The following LRP1 variants were observed in gnomAD, a reference collection of about 807,000 sequenced individuals.
LRP1 encodes prolow-density lipoprotein receptor-related protein 1.
Under a neutral mutation model 541.5 loss-of-function variants are expected in LRP1, and 51 were observed. That is an observed-to-expected ratio of 0.09 (90% CI 0.08 to 0.12). The LOEUF (loss-of-function observed/expected upper bound fraction) is 0.12. Ranked by LOEUF, LRP1 falls within the 10% of genes least tolerant of loss-of-function variation. The pLI, the probability that LRP1 is intolerant of heterozygous loss-of-function variation, is 1.00. For synonymous variants in LRP1, 2,219 were observed against 2,470.8 expected, an observed-to-expected ratio of 0.90 and a Z score of 3.02; for missense variants, 3,878 against 6,376.2, an observed-to-expected ratio of 0.61 and a Z score of 13.34.
chr12:57,157,916 T>C (rs1246250321), intron 10 of LRP1, among the ~76,000 whole-genome samples: 27 of 152,178 alleles, frequency 1.8e-4, no homozygotes, highest in Admixed American at 1.6e-3. Context: ...TAGTGACTTT[T>C]GAGAATGGAA....
In LRP1 at chr12:57,185,535, C is replaced by T. The variant is rs1386458910; in HGVS notation, c.6468C>T (p.Thr2156=). 6.3e-7 allele frequency: 1 copy of T among 1,586,548 alleles called. No individual in the cohort carries two copies. Among genetic ancestry groups the T allele is most frequent in the Non-Finnish European group, 8.6e-7 (1 of 1,163,576 alleles). The part of the protein sequence containing the change: ...KVFNRDRQKG[T]NVCAVANGGC... ...CTGTACCCTCCCCTCCCCCAGGCAC[C>T]AACGTGTGCGCGGTGGCCAATGGCG... is the stretch of plus-strand genomic sequence containing the variant. The change falls in exon 41 of 89, where the codon ACC becomes ACT. Residue 2156 remains threonine (T), a synonymous_variant. Transcript: ENST00000243077. The surrounding 1 kb of genome is among the most constrained non-coding windows in gnomAD (Gnocchi z 4.9).
chr12:57,196,471 A>G (rs920932810), intron 55 of LRP1, among the ~76,000 whole-genome samples, 194 bp downstream of exon 55: 3 of 152,224 alleles, frequency 2.0e-5, no homozygotes, highest in Non-Finnish European at 4.4e-5. Flanking sequence ...TGAGATATGC[A>G]GTGTGAGAGG....
intron 4 of LRP1, 127 bp downstream of exon 4, chr12:57,143,925 G>GGGT: frequency 4.8e-6 from 6 of 1,252,184 alleles, no homozygotes; most frequent in African/African-American, 1.5e-5. Context: ...GCAAGAGAGG[G>GGGT]GGTGCCACCA....
chr12:57,211,051 C>T lies in LRP1; in HGVS notation c.12917-125C>T. ...TGGCGCTTCCCCACAAAGGTGCTGG[C>T]ACACTTCCCCTGAGGCAGTGCACCC... On this transcript the variant is annotated intron_variant, in intron 83 of 88. Transcript: ENST00000243077. The surrounding 1 kb of genome is among the most constrained non-coding windows in gnomAD (Gnocchi z 4.3). 1 of 1,374,244 alleles carries T rather than the reference C, an allele frequency of 7.3e-7. No homozygotes were observed. Among genetic ancestry groups the T allele is most frequent in the Non-Finnish European group, 1.0e-6 (1 of 1,002,106 alleles). 85.1% of individuals were successfully genotyped at this position (1,374,244 alleles called of 1,614,324 possible).
rs770047190 is a variant in LRP1, at chr12:57,154,175, C to T, written c.842-33C>T. The T allele has an allele frequency of 1.3e-6, 2 of 1,594,618 alleles. No homozygotes were observed. The highest frequency in any genetic ancestry group is 1.1e-5 in the South Asian group (1 of 89,180). On this transcript the variant is annotated intron_variant, in intron 6 of 88. Transcript: ENST00000243077. The surrounding 1 kb of genome is among the most constrained non-coding windows in gnomAD (Gnocchi z 4.6). ...GGGCATCTCTGCAAGAGGGCCTACCCCACCCCATGGCTCTTTCATTCGTAC... is the reference window on the plus strand; with the variant it reads ...GGGCATCTCTGCAAGAGGGCCTACCTCACCCCATGGCTCTTTCATTCGTAC...
chr12:57,195,485 G>A, intron 52 of LRP1, 86 bp downstream of exon 52: 2 of 1,582,618 alleles, frequency 1.3e-6, no homozygotes, highest in African/African-American at 1.3e-5. Context: ...TGCAGGAGAG[G>A]AAATGCCTCA....
Position 57,184,713 on chromosome 12 carries a change from G to A in LRP1, c.6187-126G>A. ...CAGTGGGCAGGAGTGTATGCAGGAG[G>A]CAGGAGTGAGTTAGGGGAGGCTGAA... is the stretch of plus-strand genomic sequence containing the variant. On this transcript the variant is annotated intron_variant, in intron 38 of 88. Transcript: ENST00000243077. This position sits in a 1 kb window ranked among gnomAD's most constrained non-coding sequence, Gnocchi z 7.8. 9.2e-7 allele frequency: 1 copy of A among 1,083,408 alleles called. No individual in the cohort carries two copies. The highest frequency in any genetic ancestry group is 2.4e-5 in the Admixed American group (1 of 41,156). 67.1% of individuals were successfully genotyped at this position (1,083,408 alleles called of 1,614,324 possible).
intron 50 of LRP1, 90 bp downstream of exon 50, chr12:57,194,789 G>A (rs1271804611): frequency 3.4e-6 from 5 of 1,466,368 alleles, no homozygotes; most frequent in South Asian, 1.3e-5. Context: ...TTGGAAAAGG[G>A]CATCCAGAGC....
At position 57,197,456 on chromosome 12, in the gene LRP1, C is replaced by T. The variant is rs1018396916; in HGVS notation, c.9162+72C>T. The T allele has an allele frequency of 2.2e-5, 35 of 1,610,976 alleles. No homozygotes were observed. Among genetic ancestry groups the T allele is most frequent in the Middle Eastern group, 1.7e-4 (1 of 6,058 alleles). ...GCACAGCCTCCCTTGCAAGTCTCCC[C>T]GCTTAGGTCCAACCATCCCTCCCCC... On this transcript the variant is annotated intron_variant, in intron 57 of 88. Transcript: ENST00000243077. The surrounding 1 kb of genome is among the most constrained non-coding windows in gnomAD (Gnocchi z 4.5).
Position 57,177,514 on chromosome 12 carries a change from G to T in LRP1, c.4284G>T (p.Arg1428=), listed in dbSNP as rs965926420. The T allele has an allele frequency of 6.2e-7, 1 of 1,613,940 alleles. No homozygotes were observed. The highest frequency in any genetic ancestry group is 1.7e-5 in the Admixed American group (1 of 60,016). Residue 1428 remains arginine, a synonymous_variant, in exon 26 of 89, where the codon CGG becomes CGT. Coordinates refer to ENST00000243077, the MANE Select transcript of LRP1 (RefSeq NM_002332.3). This position sits in a 1 kb window ranked among gnomAD's most constrained non-coding sequence, Gnocchi z 6.8. The part of the protein sequence containing the change: ...MSGAGRRTVH[R]ETGSGGWPNG... ...GGGCTGGGCGCCGCACCGTGCACCG[G>T]GAGACCGGCTCTGGGGGCTGGCCCA...
At chr12:57,209,896 G>T in intron 80 of LRP1, 28 bp downstream of exon 80, 1 of 1,609,526 alleles carries the variant, frequency 6.2e-7, no homozygotes, top group Non-Finnish European at 8.5e-7. Context: ...CCTGGGCTGG[G>T]GAAGGGAGGC....
Position 57,199,372 on chromosome 12 carries a change from T to G in LRP1, c.9837T>G (p.His3279Gln). 1 of 1,612,068 alleles carries G rather than the reference T, an allele frequency of 6.2e-7. No individual in the cohort carries two copies. The highest frequency in any genetic ancestry group is 8.5e-7 in the Non-Finnish European group (1 of 1,179,620). Reference sequence around the variant, plus strand: ...CGCTGCACCGGCCCATGGACCTGCATGTCTTCCATGCCCTGCGCCAGCCAG... The same window carrying G: ...CGCTGCACCGGCCCATGGACCTGCAGGTCTTCCATGCCCTGCGCCAGCCAG... Reference protein sequence around the residue: ...ISTLHRPMDLHVFHALRQPDV... With the variant: ...ISTLHRPMDLQVFHALRQPDV... The change falls in exon 61 of 89, where the codon CAT becomes CAG. Residue 3279 changes from histidine (H) to glutamine (Q), a missense_variant. Coordinates refer to ENST00000243077, the MANE Select transcript of LRP1 (RefSeq NM_002332.3).
chr12:57,183,068 TTGCAGGGG>T lies in LRP1; in HGVS notation c.5663-303_5663-296del, dbSNP rs534565851. ...AACTCCCAGACTTTCCCTAAGGAAC[TTGCAGGGG>T]TGCAGGGTTGGGTTGTGCTGGGTGG... is the stretch of plus-strand genomic sequence containing the variant. On this transcript the variant is annotated intron_variant, in intron 34 of 88. Transcript: ENST00000243077. The surrounding 1 kb of genome is among the most constrained non-coding windows in gnomAD (Gnocchi z 6.1). Among the ~76,000 whole-genome samples the T allele has an allele frequency of 1.1e-3, 160 of 152,272 alleles. 2 individuals are homozygous for T. In the East Asian group the frequency reaches 0.021, roughly 20 times the overall value.
Position 57,177,512 on chromosome 12 carries a change from C to A in LRP1, c.4282C>A (p.Arg1428=), listed in dbSNP as rs745902553. The change falls in exon 26 of 89, where the codon CGG becomes AGG. Residue 1428 remains arginine, a synonymous_variant. Coordinates refer to ENST00000243077, the MANE Select transcript of LRP1 (RefSeq NM_002332.3). The surrounding 1 kb of genome is among the most constrained non-coding windows in gnomAD (Gnocchi z 6.8). ...TGGGGCTGGGCGCCGCACCGTGCAC[C>A]GGGAGACCGGCTCTGGGGGCTGGCC... ...MSGAGRRTVH[R]ETGSGGWPNG... The A allele has an allele frequency of 6.2e-7, 1 of 1,613,730 alleles. No individual in the cohort carries two copies. Among genetic ancestry groups the A allele is most frequent in the Non-Finnish European group, 8.5e-7 (1 of 1,180,000 alleles).
At position 57,183,666 on chromosome 12, in the gene LRP1, C is replaced by T; in HGVS notation, c.5795-109C>T. On this transcript the variant is annotated intron_variant, in intron 35 of 88. Coordinates refer to ENST00000243077, the MANE Select transcript of LRP1 (RefSeq NM_002332.3). The surrounding 1 kb of genome is among the most constrained non-coding windows in gnomAD (Gnocchi z 6.1). ...CTGACTCCACCTCCCCTTCAAGCAC[C>T]TGGCCCCTCCGGCACTCTCTCACCT... 6.6e-7 allele frequency: 1 copy of T among 1,516,230 alleles called. No homozygotes were observed. Among genetic ancestry groups the T allele is most frequent in the Non-Finnish European group, 8.9e-7 (1 of 1,117,904 alleles). 93.9% of individuals were successfully genotyped at this position (1,516,230 alleles called of 1,614,324 possible).
Position 57,202,548 on chromosome 12 carries a change from AC to A in LRP1, c.10711+14del. ...ATGAAGAGAGCTGCAGTACGTCCCC[AC>A]CCACCCAGCCCCGCATGAGCCCCTC... On this transcript the variant is annotated intron_variant, in intron 68 of 88. Transcript: ENST00000243077. The A allele has an allele frequency of 1.3e-6, 1 of 767,238 alleles. No homozygotes were observed. Among genetic ancestry groups the A allele is most frequent in the South Asian group, 2.3e-5 (1 of 42,632 alleles). 47.5% of individuals were successfully genotyped at this position (767,238 alleles called of 1,614,324 possible).
chr12:57,139,769 C>G (rs973261891), intron 2 of LRP1, among the ~76,000 whole-genome samples: 1 of 152,200 alleles, frequency 6.6e-6, no homozygotes, highest in Admixed American at 6.5e-5. Context: ...GAAACACACT[C>G]TATACTCAGA....
chr12:57,141,713 G>C (rs2035296110), intron 3 of LRP1, among the ~76,000 whole-genome samples: 1 of 152,004 alleles, frequency 6.6e-6, no homozygotes, highest in Admixed American at 6.5e-5. Flanking sequence ...CTCAGCCGTG[G>C]GCTGTAGCCT....
chr12:57,195,727 T>C lies in LRP1; in HGVS notation c.8507T>C (p.Val2836Ala), dbSNP rs141454378. 611 of 1,614,078 alleles carry C rather than the reference T, an allele frequency of 3.8e-4. 4 individuals are homozygous for C. The highest frequency in any genetic ancestry group is 8.0e-5 in the Non-Finnish European group (94 of 1,180,038). Residue 2836 changes from valine to alanine, a missense_variant, in exon 53 of 89, where the codon GTG (valine) becomes GCG (alanine). Val to Ala is a moderately conservative substitution (Grantham distance 64). Coordinates refer to ENST00000243077, the MANE Select transcript of LRP1 (RefSeq NM_002332.3). ...QNRQCIPKHF[V>A]CDHDRDCADG... ...CGCCAGTGCATCCCCAAGCACTTCG[T>C]GTGTGACCACGACCGTGACTGTGCA...
Sources: allele counts gnomAD v4.1 joint callset (sites outside exome capture counted in the v4.1 genomes callset), GRCh38; gene constraint gnomAD v4.1.1; non-coding constraint Gnocchi (gnomAD v3.1); transcripts MANE v1.5; gene names NCBI Gene and HGNC (gene_info 2026-07-23, HGNC 2026-07-21).